ASB4: variants seen among roughly 807,000 people sequenced by gnomAD.
The protein encoded by ASB4 is ankyrin repeat and SOCS box protein 4.
In ASB4, 35 loss-of-function variants were observed where a neutral mutation model predicts 38.6. The observed-to-expected ratio is 0.91, with a 90% CI of 0.69 to 1.20. The LOEUF (loss-of-function observed/expected upper bound fraction) is 1.20. Among genes scored for constraint, ASB4 ranks in the 50% most tolerant of loss-of-function variants. The pLI, the probability that ASB4 is intolerant of heterozygous loss-of-function variation, is 0.00. For missense variants in ASB4, 557 were observed against 527.2 expected, an observed-to-expected ratio of 1.06 and a Z score of -0.55; for synonymous variants, 195 against 201.3, an observed-to-expected ratio of 0.97 and a Z score of 0.26.
chr7:95,525,842 C>T (rs1200537601), intron 2 of ASB4, among the ~76,000 whole-genome samples: 1 of 152,134 alleles, frequency 6.6e-6, no homozygotes, highest in Non-Finnish European at 1.5e-5. Flanking sequence ...ACAATTCTGC[C>T]TTCTACAAGT....
the ASB4 span, among the ~76,000 whole-genome samples, chr7:95,473,280 A>G: frequency 6.6e-6 from 1 of 152,224 alleles, no homozygotes; most frequent in South Asian, 2.1e-4. Flanking sequence ...TATGCCCTAG[A>G]TACCCTTGTA....
intron 2 of ASB4, among the ~76,000 whole-genome samples, chr7:95,511,766 T>A (rs938446245): frequency 6.6e-6 from 1 of 152,218 alleles, no homozygotes; most frequent in Non-Finnish European, 1.5e-5. Flanking sequence ...ACAACTATCC[T>A]ATGAGGTTAA....
At chr7:95,543,181 A>G (rs1790992580), downstream of ASB4, 1 of 152,284 alleles carries the variant, frequency 6.6e-6, no homozygotes, top group Non-Finnish European at 1.5e-5. Context: ...AGGAAGCAAG[A>G]CATACAAAAT....
At chr7:95,550,252 C>G in the ASB4 span, among the ~76,000 whole-genome samples, 11 of 152,304 alleles carry the variant, frequency 7.2e-5, no homozygotes, top group Non-Finnish European at 1.6e-4. Context: ...CCTCCTGACA[C>G]TCCAGAGAGG....
intron 2 of ASB4, among the ~76,000 whole-genome samples, chr7:95,506,955 G>GT (rs1790418628): frequency 6.6e-6 from 1 of 151,748 alleles, no homozygotes; most frequent in Non-Finnish European, 1.5e-5. Context: ...CCTATTTTAT[G>GT]TTTTTTATTC....
chr7:95,525,503 T>A (rs1288547860), intron 2 of ASB4, among the ~76,000 whole-genome samples: 2 of 151,830 alleles, frequency 1.3e-5, no homozygotes, highest in Admixed American at 6.6e-5. Context: ...AATAAGGAAC[T>A]CCTATTCAGA....
intron 2 of ASB4, among the ~76,000 whole-genome samples, chr7:95,512,681 A>G (rs1790499091): frequency 1.3e-5 from 2 of 152,206 alleles, no homozygotes; most frequent in Non-Finnish European, 2.9e-5. Context: ...TGCAATACTA[A>G]TATGCCACAG....
chr7:95,532,841 A>G (rs1790837945), intron 3 of ASB4, among the ~76,000 whole-genome samples: 1 of 152,166 alleles, frequency 6.6e-6, no homozygotes, highest in Non-Finnish European at 1.5e-5. Flanking sequence ...TCCTCCATGA[A>G]GGGAGAATAA....
intron 2 of ASB4, among the ~76,000 whole-genome samples, chr7:95,525,424 A>G (rs1489878349): frequency 2.0e-5 from 3 of 152,244 alleles, no homozygotes; most frequent in Admixed American, 1.3e-4. Flanking sequence ...AAAATAAAAA[A>G]GTAGCCAAAT....
intron 1 of ASB4, among the ~76,000 whole-genome samples, chr7:95,480,529 G>A (rs1244083441): frequency 6.6e-6 from 1 of 152,172 alleles, no homozygotes; most frequent in African/African-American, 2.4e-5. Flanking sequence ...GCTTCCAACT[G>A]GCTCTCTTGG....
intron 2 of ASB4, among the ~76,000 whole-genome samples, chr7:95,513,239 T>C (rs1639468553): frequency 7.0e-6 from 1 of 142,868 alleles, no homozygotes. Flanking sequence ...CAGGGTTTTT[T>C]TTGTTTTTTG....
chr7:95,533,790 A>G (rs1408969675), intron 3 of ASB4, among the ~76,000 whole-genome samples: 1 of 152,230 alleles, frequency 6.6e-6, no homozygotes, highest in Non-Finnish European at 1.5e-5. Context: ...TCAACGGCTG[A>G]GCAAGTTAAA....
chr7:95,478,927 G>T (rs1790000594), intron 1 of ASB4, among the ~76,000 whole-genome samples: 1 of 152,094 alleles, frequency 6.6e-6, no homozygotes, highest in African/African-American at 2.4e-5. Flanking sequence ...TTCTTCCAGC[G>T]CCCCCAACTG....
intron 2 of ASB4, among the ~76,000 whole-genome samples, chr7:95,509,122 G>A (rs1790447983): frequency 6.6e-6 from 1 of 152,162 alleles, no homozygotes; most frequent in Non-Finnish European, 1.5e-5. Context: ...AATTTTTGAG[G>A]TGAGGAGTAA....
intron 1 of ASB4, among the ~76,000 whole-genome samples, chr7:95,489,224 A>C (rs1042883033): frequency 6.6e-6 from 1 of 152,266 alleles, no homozygotes; most frequent in Non-Finnish European, 1.5e-5. Context: ...AGTAATCAAA[A>C]GTTTAGCTCA....
chr7:95,497,933 G>A (rs541256414), intron 2 of ASB4, among the ~76,000 whole-genome samples: 14 of 152,244 alleles, frequency 9.2e-5, no homozygotes, highest in Admixed American at 4.6e-4. Context: ...CCCCAGTAGA[G>A]GGACATTTGG....
chr7:95,546,089 C>A, the ASB4 span, among the ~76,000 whole-genome samples: 1 of 152,196 alleles, frequency 6.6e-6, no homozygotes, highest in Non-Finnish European at 1.5e-5. Context: ...GCCCAGTTCC[C>A]ACCTTTGTAA....
At chr7:95,548,914 C>T in the ASB4 span, among the ~76,000 whole-genome samples, 76 of 152,056 alleles carry the variant, frequency 5.0e-4, no homozygotes, top group Middle Eastern at 3.4e-3. Flanking sequence ...ATTTTATGGA[C>T]GATTAAACTG....
At chr7:95,477,351 C>T (rs570695465), upstream of ASB4, among the ~76,000 whole-genome samples, 196 of 152,290 alleles carry the variant, frequency 1.3e-3, no homozygotes, top group African/African-American at 4.5e-3. Flanking sequence ...GTCAACTCTA[C>T]GTCACCTTTT....
Sources: allele counts gnomAD v4.1 joint callset (sites outside exome capture counted in the v4.1 genomes callset), GRCh38; gene constraint gnomAD v4.1.1; transcripts MANE v1.5; gene names NCBI Gene and HGNC (gene_info 2026-07-23, HGNC 2026-07-21).